The following RUBCN variants were observed in gnomAD, a reference collection of about 807,000 sequenced individuals.
RUBCN encodes the protein rubicon autophagy regulator, also known as run domain Beclin-1-interacting and cysteine-rich domain-containing protein.
RUBCN carries 74 observed loss-of-function variants against 113.2 expected under a neutral mutation model. The ratio of observed to expected loss-of-function variants is 0.65; its 90% CI spans 0.54 to 0.79. The LOEUF is 0.79. Among genes scored for constraint, RUBCN ranks in the 30% least tolerant of loss-of-function variants. The pLI is 0.00. For synonymous variants in RUBCN, 480 were observed against 490.0 expected (o/e 0.98, Z 0.27); for missense variants, 1,109 against 1,251.7 (o/e 0.89, Z 1.72).
chr3:197,686,502 A>G (rs1721866570), intron 11 of RUBCN, among the ~76,000 whole-genome samples: 1 of 152,210 alleles, frequency 6.6e-6, no homozygotes, highest in South Asian at 2.1e-4. Context: ...CCGGCCAAGG[A>G]CCACGCAGCT....
At chr3:197,708,195 G>A (rs963623412) in intron 2 of RUBCN, among the ~76,000 whole-genome samples, 1 of 151,860 alleles carries the variant, frequency 6.6e-6, no homozygotes, top group Non-Finnish European at 1.5e-5. Context: ...GAGTGCAATG[G>A]TGCAATCTCG....
At chr3:197,704,025 G>C (rs2108914215) in intron 4 of RUBCN, among the ~76,000 whole-genome samples, 1 of 152,306 alleles carries the variant, frequency 6.6e-6, no homozygotes, top group East Asian at 1.9e-4. Context: ...CTTACGGTTT[G>C]TGTGTGTGGC....
chr3:197,678,617 C>A (rs1227591668), intron 16 of RUBCN, among the ~76,000 whole-genome samples: 1 of 151,990 alleles, frequency 6.6e-6, no homozygotes, highest in Non-Finnish European at 1.5e-5. Context: ...TACGCTCTGA[C>A]AACTGGCTCC....
chr3:197,742,680 C>T (rs899200266), intron 1 of RUBCN, among the ~76,000 whole-genome samples: 2 of 152,156 alleles, frequency 1.3e-5, no homozygotes, highest in Non-Finnish European at 2.9e-5. Flanking sequence ...AGTTAGTCTC[C>T]CCCAGCCTGG....
At chr3:197,747,526 T>A (rs945868601) in intron 1 of RUBCN, among the ~76,000 whole-genome samples, 1 of 151,910 alleles carries the variant, frequency 6.6e-6, no homozygotes, top group South Asian at 2.1e-4. Flanking sequence ...AGGTCGAGAA[T>A]CTTTATTATA....
chr3:197,736,950 A>G (rs1396529092), upstream of RUBCN: 7 of 1,308,026 alleles, frequency 5.4e-6, no homozygotes, highest in Non-Finnish European at 6.8e-6. Context: ...GAGCACTCCG[A>G]GGCTAGGCCG....
Position 197,671,308 on chromosome 3 carries a change from C to A in RUBCN, c.*3710G>T. On this transcript the variant is annotated 3_prime_UTR_variant, in exon 20 of 20. Transcript: ENST00000296343. ...GATGACACTCGTGAGCCACCGCGCC[C>A]GGCTCCTCATCCCACAAGGTGCTTC... 1 of 152,278 alleles carries A rather than the reference C, an allele frequency of 6.6e-6. No homozygotes were observed. The allele number at this position is 152,278 out of a possible 1,614,324, so 9.4% of individuals were successfully genotyped here. A position where few individuals can be genotyped will look rare whatever the true frequency, so the allele number is the denominator to read the frequency against.
rs1454043110 is a variant in RUBCN, at chr3:197,669,958, G to C, written c.*5060C>G. On this transcript the variant is annotated 3_prime_UTR_variant, in exon 20 of 20. Transcript: ENST00000296343. ...GGGTGGAGTGCAGTGGCGTGATCTC[G>C]GCTCACTGCAACCTCCGCCACCCGG... 1.3e-5 allele frequency among the ~76,000 whole-genome samples: 2 copies of C among 152,066 alleles called. No individual in the cohort carries two copies. The highest frequency in any genetic ancestry group is 2.9e-5 in the Non-Finnish European group (2 of 68,012).
At chr3:197,735,260 G>A (rs980330922) in intron 1 of RUBCN, among the ~76,000 whole-genome samples, 2 of 152,236 alleles carry the variant, frequency 1.3e-5, no homozygotes, top group African/African-American at 2.4e-5. Context: ...GTAGCCAGAT[G>A]TGGTAGCTGG....
chr3:197,720,552 C>G (rs536366025), intron 1 of RUBCN, among the ~76,000 whole-genome samples: 6 of 152,020 alleles, frequency 3.9e-5, no homozygotes, highest in Non-Finnish European at 8.8e-5. Flanking sequence ...GGACTACAGG[C>G]GCAGGCTACC....
At chr3:197,735,582 C>T (rs200419265) in intron 1 of RUBCN, among the ~76,000 whole-genome samples, 24 of 152,134 alleles carry the variant, frequency 1.6e-4, no homozygotes, top group East Asian at 1.2e-3. Context: ...CAAAGTAGTT[C>T]GGGGTTTCTT....
intron 16 of RUBCN, among the ~76,000 whole-genome samples, chr3:197,678,371 A>T (rs1274246574): frequency 6.7e-6 from 1 of 148,728 alleles, no homozygotes; most frequent in Admixed American, 6.7e-5. Context: ...AACTGGCTTC[A>T]GACTGTCCTA....
intron 1 of RUBCN, 48 bp downstream of exon 1, chr3:197,736,607 G>T: frequency 6.6e-7 from 1 of 1,525,692 alleles, no homozygotes; most frequent in Non-Finnish European, 8.8e-7. Flanking sequence ...GCCTCCCGGG[G>T]CTCCGGCGCC....
chr3:197,699,988 T>C (rs527701054), intron 7 of RUBCN, among the ~76,000 whole-genome samples: 6 of 152,246 alleles, frequency 3.9e-5, no homozygotes, highest in African/African-American at 1.4e-4. Flanking sequence ...GGCAGGGAGA[T>C]GGCAAAAGCA....
At chr3:197,692,937 CCT>C (rs1395410181) in intron 11 of RUBCN, among the ~76,000 whole-genome samples, 1 of 152,226 alleles carries the variant, frequency 6.6e-6, no homozygotes, top group Admixed American at 6.5e-5. Flanking sequence ...ATACAGTTCA[CCT>C]CTGTCTACAT....
At chr3:197,706,457 C>T (rs966147741) in intron 2 of RUBCN, among the ~76,000 whole-genome samples, 7 of 151,860 alleles carry the variant, frequency 4.6e-5, no homozygotes, top group South Asian at 2.1e-4. Context: ...CTGAGGTGAG[C>T]GGATCACTTG....
At position 197,684,140 on chromosome 3, in the gene RUBCN, T is replaced by TA. The variant is rs756581383; in HGVS notation, c.1847+16dup. Reference sequence around the variant, plus strand: ...TAAGGTTTTCTTTTCTTTTTTTTGGTAAAAAAAAGTACTCACAAGGACTGG... The same window carrying TA: ...TAAGGTTTTCTTTTCTTTTTTTTGGTAAAAAAAAAGTACTCACAAGGACTGG... On this transcript the variant is annotated intron_variant, in intron 12 of 19. Transcript: ENST00000296343. The TA allele has an allele frequency of 9.3e-5, 146 of 1,577,902 alleles. No homozygotes were observed. The highest frequency in any genetic ancestry group is 3.3e-4 in the Middle Eastern group (2 of 5,992).
At position 197,674,433 on chromosome 3, in the gene RUBCN, G is replaced by C. The variant is rs532752427; in HGVS notation, c.*585C>G. 5.4e-6 allele frequency: 2 copies of C among 372,392 alleles called. No individual in the cohort carries two copies. The highest frequency in any genetic ancestry group is 8.6e-5 in the East Asian group (1 of 11,634). 23.1% of individuals were successfully genotyped at this position (372,392 alleles called of 1,614,324 possible). ...CAGCTGCCTCTGAGGTCTCTGAGGAGTCTAGGATAGTCAGGATTGTTCTGT... is the reference window on the plus strand; with the variant it reads ...CAGCTGCCTCTGAGGTCTCTGAGGACTCTAGGATAGTCAGGATTGTTCTGT... On this transcript the variant is annotated 3_prime_UTR_variant, in exon 20 of 20. Coordinates refer to ENST00000296343, the MANE Select transcript of RUBCN (RefSeq NM_014687.4).
At position 197,669,927 on chromosome 3, in the gene RUBCN, T is replaced by C. The variant is rs112376979; in HGVS notation, c.*5091A>G. Among the ~76,000 whole-genome samples the C allele has an allele frequency of 0.012, 1,900 of 152,304 alleles. 49 individuals are homozygous for C. The highest frequency in any genetic ancestry group is 0.044 in the African/African-American group (1,835 of 41,568). ...TGTTTGAGACAGAGTCCCACTCTGT[T>C]GCCCAGGGTGGAGTGCAGTGGCGTG... On this transcript the variant is annotated 3_prime_UTR_variant, in exon 20 of 20. Coordinates refer to ENST00000296343, the MANE Select transcript of RUBCN (RefSeq NM_014687.4).
Sources: allele counts gnomAD v4.1 joint callset (sites outside exome capture counted in the v4.1 genomes callset), GRCh38; gene constraint gnomAD v4.1.1; transcripts MANE v1.5; gene names NCBI Gene and HGNC (gene_info 2026-07-23, HGNC 2026-07-21).